The following ATP2B2 variants were observed in gnomAD, a reference collection of about 807,000 sequenced individuals.
The protein encoded by ATP2B2 is ATPase plasma membrane Ca2+ transporting 2.
In ATP2B2, 15 loss-of-function variants were observed where a neutral mutation model predicts 120.0. The observed-to-expected ratio is 0.12, with a 90% confidence interval of 0.08 to 0.19. The LOEUF is 0.19. Among genes scored for constraint, ATP2B2 ranks in the 10% least tolerant of loss-of-function variants. The pLI, the probability that ATP2B2 is intolerant of heterozygous loss-of-function variation, is 1.00. For synonymous variants in ATP2B2, 694 were observed against 700.3 expected (o/e 0.99, Z 0.14); for missense variants, 1,045 against 1,719.8 (o/e 0.61, Z 6.94).
At chr3:10,331,561 C>T (rs1246675705) in intron 22 of ATP2B2, among the ~76,000 whole-genome samples, 1 of 151,816 alleles carries the variant, frequency 6.6e-6, no homozygotes, top group African/African-American at 2.4e-5. Flanking sequence ...CTGCTCTGGA[C>T]AAGACTGTGG....
At chr3:10,673,806 CAAAAAAAAAAAAAA>C (rs549651187) in intron 1 of ATP2B2, among the ~76,000 whole-genome samples, 3 of 73,776 alleles carry the variant, frequency 4.1e-5, no homozygotes, top group Non-Finnish European at 7.1e-5. Context: ...GACCCTGTTT[CAAAAAAAAAAAAAA>C]AAAAAAAAGA....
chr3:10,367,154 T>C (rs2061086374), intron 12 of ATP2B2, among the ~76,000 whole-genome samples: 1 of 152,118 alleles, frequency 6.6e-6, no homozygotes, highest in Non-Finnish European at 1.5e-5. Flanking sequence ...GCCTCACCTC[T>C]TGTCATTCTG....
chr3:10,354,612 C>T (rs2060663353), intron 14 of ATP2B2, among the ~76,000 whole-genome samples: 2 of 152,196 alleles, frequency 1.3e-5, no homozygotes, highest in Non-Finnish European at 2.9e-5. Flanking sequence ...CTTCAATCAG[C>T]CTTGGAAAAT....
chr3:10,417,238 C>T (rs947056242), intron 2 of ATP2B2, among the ~76,000 whole-genome samples: 5 of 151,582 alleles, frequency 3.3e-5, no homozygotes, highest in South Asian at 2.1e-4. Flanking sequence ...GTGGGGCGGC[C>T]GGGCAGAGGG....
chr3:10,417,109 G>A (rs1013983774), intron 2 of ATP2B2, among the ~76,000 whole-genome samples: 1 of 145,732 alleles, frequency 6.9e-6, no homozygotes, highest in East Asian at 2.0e-4. Flanking sequence ...TTCCCAGAAG[G>A]TGGGTGGCCG....
intron 2 of ATP2B2, among the ~76,000 whole-genome samples, chr3:10,578,870 C>CGTGGTT (rs2068317736): frequency 6.6e-6 from 1 of 152,122 alleles, no homozygotes. Context: ...ACTAATCTAC[C>CGTGGTT]GTGGTAATGG....
chr3:10,599,606 T>C (rs2068851196), intron 2 of ATP2B2, among the ~76,000 whole-genome samples: 1 of 152,058 alleles, frequency 6.6e-6, no homozygotes, highest in Admixed American at 6.5e-5. Flanking sequence ...CTCTCCCAAC[T>C]GGACAAGCTC....
intron 1 of ATP2B2, among the ~76,000 whole-genome samples, chr3:10,658,795 G>A (rs2070705422): frequency 6.6e-6 from 1 of 151,994 alleles, no homozygotes. Flanking sequence ...ATAATTGTCA[G>A]ATTCACCGAA....
At position 10,340,109 on chromosome 3, in the gene ATP2B2, C is replaced by T. The variant is rs1056764818; in HGVS notation, c.3237+133G>A. On this transcript the variant is annotated intron_variant, in intron 21 of 22. Coordinates refer to ENST00000360273, the MANE Select transcript of ATP2B2 (RefSeq NM_001001331.4). This position sits in a 1 kb window ranked among gnomAD's most constrained non-coding sequence, Gnocchi z 5.0. ...ATAGGACCTGGGACAAACCCCCTTGCTCAGATGTCCAGAGATAGGGAGGAG... is the reference window on the plus strand; with the variant it reads ...ATAGGACCTGGGACAAACCCCCTTGTTCAGATGTCCAGAGATAGGGAGGAG... The T allele has an allele frequency of 9.2e-5, 77 of 841,530 alleles. No homozygotes were observed. The Middle Eastern group carries it at 1.0e-3, about 11-fold the overall frequency. 52.1% of individuals were successfully genotyped at this position (841,530 alleles called of 1,614,324 possible).
At chr3:10,685,115 C>A (rs1159827298) in intron 1 of ATP2B2, among the ~76,000 whole-genome samples, 2 of 152,206 alleles carry the variant, frequency 1.3e-5, no homozygotes, top group Non-Finnish European at 2.9e-5. Flanking sequence ...GAGAACATTT[C>A]CTCATCTGTA....
At chr3:10,667,598 C>G (rs192519801) in intron 1 of ATP2B2, among the ~76,000 whole-genome samples, 40 of 152,300 alleles carry the variant, frequency 2.6e-4, no homozygotes, top group Admixed American at 1.5e-3. Context: ...TCACAGGGAC[C>G]ATTTCTGGTC....
At chr3:10,694,770 G>A (rs191260640) in intron 1 of ATP2B2, among the ~76,000 whole-genome samples, 1 of 152,206 alleles carries the variant, frequency 6.6e-6, no homozygotes, top group African/African-American at 2.4e-5. Context: ...AACACTTCTG[G>A]AAAACTCTTT....
intron 1 of ATP2B2, among the ~76,000 whole-genome samples, chr3:10,655,191 T>C (rs1390924262): frequency 2.6e-5 from 4 of 152,178 alleles, no homozygotes; most frequent in African/African-American, 9.7e-5. Context: ...TGTCTCTCAT[T>C]CACTCTCAAC....
intron 5 of ATP2B2, among the ~76,000 whole-genome samples, chr3:10,395,955 C>A (rs1162294907): frequency 6.6e-6 from 1 of 152,214 alleles, no homozygotes; most frequent in Non-Finnish European, 1.5e-5. Context: ...TGAAGATACA[C>A]CAGACATGGG....
intron 14 of ATP2B2, among the ~76,000 whole-genome samples, chr3:10,351,006 A>G (rs919121758): frequency 1.3e-5 from 2 of 152,132 alleles, no homozygotes; most frequent in South Asian, 4.1e-4. Context: ...AACTTGACAG[A>G]TCTATTTGTG....
intron 14 of ATP2B2, among the ~76,000 whole-genome samples, chr3:10,355,779 A>C (rs2060697292): frequency 1.0e-5 from 1 of 95,366 alleles, no homozygotes. Flanking sequence ...ACTTAGAACT[A>C]CTTGTCCTTT....
At chr3:10,385,000 T>C (rs1305508135) in intron 8 of ATP2B2, among the ~76,000 whole-genome samples, 1 of 152,156 alleles carries the variant, frequency 6.6e-6, no homozygotes, top group African/African-American at 2.4e-5. Context: ...CAAAGTCTCG[T>C]CTCTTATCTG....
At chr3:10,534,612 G>T (rs1173687393) in intron 2 of ATP2B2, among the ~76,000 whole-genome samples, 3 of 152,220 alleles carry the variant, frequency 2.0e-5, no homozygotes, top group African/African-American at 7.2e-5. Context: ...GAGGGCAGAG[G>T]GGGTGTGAAA....
chr3:10,589,705 G>A (rs924789601), intron 2 of ATP2B2, among the ~76,000 whole-genome samples: 5 of 152,160 alleles, frequency 3.3e-5, no homozygotes, highest in Admixed American at 3.3e-4. Flanking sequence ...GCACTTGTGA[G>A]GTACTTAGTA....
Sources: gnomAD v4.1 joint callset for allele counts (sites outside exome capture counted in the v4.1 genomes callset) on GRCh38, gnomAD v4.1.1 for gene constraint, Gnocchi (gnomAD v3.1) non-coding constraint, MANE v1.5 for transcripts, NCBI Gene and HGNC (gene_info 2026-07-23, HGNC 2026-07-21) for gene names.